ARHGAP25: variants seen among roughly 807,000 people sequenced by gnomAD.
ARHGAP25 encodes the protein rho GTPase-activating protein 25.
A neutral mutation model predicts 71.0 loss-of-function variants in ARHGAP25; 34 were observed. The observed-to-expected ratio is 0.48, with a 90% CI of 0.36 to 0.64. The LOEUF (loss-of-function observed/expected upper bound fraction) is 0.64, where lower values mean the gene tolerates loss of function less well. ARHGAP25 is among the 30% of genes least tolerant of loss of function. The probability of loss-of-function intolerance (pLI) is 0.00; values close to 1 mark genes in which losing one functional copy is unlikely to be tolerated. For missense variants in ARHGAP25, 706 were observed against 805.1 expected (o/e 0.88, Z 1.49); for synonymous variants, 282 against 296.5 (o/e 0.95, Z 0.50).
intron 4 of ARHGAP25, among the ~76,000 whole-genome samples, chr2:68,799,130 C>CAGAAAAGCAAA (rs1392399983): frequency 1.3e-5 from 2 of 152,070 alleles, no homozygotes; most frequent in African/African-American, 4.8e-5. Flanking sequence ...AACAGGTTTG[C>CAGAAAAGCAAA]ACAATGTTTT....
chr2:68,717,552 A>T (rs546025899), intron 2 of ARHGAP25, among the ~76,000 whole-genome samples: 1 of 152,358 alleles, frequency 6.6e-6, no homozygotes, highest in African/African-American at 2.4e-5. Context: ...GGTGTTAGGT[A>T]AAAACTGCAG....
chr2:68,789,736 G>A (rs1261207543), intron 4 of ARHGAP25, among the ~76,000 whole-genome samples: 6 of 152,104 alleles, frequency 3.9e-5, no homozygotes, highest in African/African-American at 1.4e-4. Context: ...AGTCAAAATG[G>A]TATCCGTGTA....
chr2:68,821,677 C>T (rs1681681266), intron 9 of ARHGAP25, among the ~76,000 whole-genome samples: 1 of 152,238 alleles, frequency 6.6e-6, no homozygotes, highest in South Asian at 2.1e-4. Context: ...TGAGAACTGG[C>T]ATTTCAGTAA....
At position 68,754,412 on chromosome 2, in the gene ARHGAP25, A is replaced by G. The variant is rs540120956; in HGVS notation, c.61+19152A>G. On this transcript the variant is annotated intron_variant, in intron 1 of 10. Transcript: ENST00000409202. The stretch of plus-strand genomic sequence containing the variant: ...AATGCATTTGAGATTCACCCATGTT[A>G]TGACTTGTATAGATAGTTTTGTCCT... Among the ~76,000 whole-genome samples, 3 of 152,314 alleles carry G rather than the reference A, an allele frequency of 2.0e-5. No individual in the cohort carries two copies. The East Asian group carries it at 5.8e-4, about 29-fold the overall frequency.
chr2:68,747,488 T>A (rs907986482), intron 1 of ARHGAP25, among the ~76,000 whole-genome samples: 1 of 152,188 alleles, frequency 6.6e-6, no homozygotes, highest in Non-Finnish European at 1.5e-5. Flanking sequence ...CTGGCTCCGG[T>A]CCCAGGGCTC....
chr2:68,747,197 G>C (rs1675886847), intron 1 of ARHGAP25, among the ~76,000 whole-genome samples: 1 of 151,864 alleles, frequency 6.6e-6, no homozygotes, highest in African/African-American at 2.4e-5. Flanking sequence ...AAATTTTTTA[G>C]ACTTCCTTGA....
chr2:68,815,837 G>A (rs1357024867), intron 6 of ARHGAP25, among the ~76,000 whole-genome samples: 2 of 151,874 alleles, frequency 1.3e-5, no homozygotes, highest in Admixed American at 1.3e-4. Context: ...TCTGTGTCCC[G>A]GCATGTCTCA....
chr2:68,809,216 A>C (rs1680598384), intron 5 of ARHGAP25, among the ~76,000 whole-genome samples: 2 of 150,342 alleles, frequency 1.3e-5, no homozygotes, highest in South Asian at 2.1e-4. Context: ...CCCTCTCTCC[A>C]CCCCCTTTTA....
chr2:68,756,518 TCAAAAGCAAC>T (rs1197205649), intron 1 of ARHGAP25, among the ~76,000 whole-genome samples: 1 of 152,100 alleles, frequency 6.6e-6, no homozygotes, highest in Non-Finnish European at 1.5e-5. Flanking sequence ...ACTAAGACAT[TCAAAAGCAAC>T]CACATATATG....
intron 6 of ARHGAP25, among the ~76,000 whole-genome samples, chr2:68,814,295 G>C (rs1465578708): frequency 6.6e-6 from 1 of 152,130 alleles, no homozygotes; most frequent in Non-Finnish European, 1.5e-5. Flanking sequence ...ACTTTCTATG[G>C]TAATGGAACT....
At position 68,760,153 on chromosome 2, in the gene ARHGAP25, A is replaced by G. The variant is rs186404841; in HGVS notation, c.62-15068A>G. 2.1e-3 allele frequency among the ~76,000 whole-genome samples: 318 copies of G among 152,160 alleles called. 1 individual carries two copies. Among genetic ancestry groups the G allele is most frequent in the Non-Finnish European group, 3.6e-3 (243 of 67,906 alleles). ...GATTCAACATTCTTTCATGATAAAA[A>G]CACTCAATAAACCAGGAATAGAAGG... On this transcript the variant is annotated intron_variant, in intron 1 of 10. Transcript: ENST00000409202.
intron 3 of ARHGAP25, among the ~76,000 whole-genome samples, chr2:68,783,363 A>G (rs1678487469): frequency 6.6e-6 from 1 of 152,256 alleles, no homozygotes; most frequent in Admixed American, 6.5e-5. Flanking sequence ...TAATGCAGAA[A>G]AAAAATCCTA....
chr2:68,732,517 G>GC (rs1675048663), upstream of ARHGAP25, among the ~76,000 whole-genome samples: 1 of 152,332 alleles, frequency 6.6e-6, no homozygotes, highest in Non-Finnish European at 1.5e-5. Flanking sequence ...GGTCAGGCAG[G>GC]CAGTAGTGCA....
intron 1 of ARHGAP25, among the ~76,000 whole-genome samples, chr2:68,736,245 A>G (rs1161691201): frequency 6.6e-6 from 1 of 152,178 alleles, no homozygotes; most frequent in Non-Finnish European, 1.5e-5. Flanking sequence ...TAGGTCTGAG[A>G]AAGGGTTTGA....
At chr2:68,741,807 G>A (rs2104292677) in intron 1 of ARHGAP25, among the ~76,000 whole-genome samples, 1 of 152,316 alleles carries the variant, frequency 6.6e-6, no homozygotes, top group Middle Eastern at 3.4e-3. Context: ...AGTTCATAAA[G>A]TAAAACGCAA....
At chr2:68,763,915 T>C (rs1318593180) in intron 1 of ARHGAP25, among the ~76,000 whole-genome samples, 1 of 152,194 alleles carries the variant, frequency 6.6e-6, no homozygotes, top group Non-Finnish European at 1.5e-5. Flanking sequence ...AATTCCTTCA[T>C]TGTAAGTATA....
At chr2:68,734,162 CA>C (rs1416435524), upstream of ARHGAP25, among the ~76,000 whole-genome samples, 3 of 152,346 alleles carry the variant, frequency 2.0e-5, no homozygotes, top group African/African-American at 7.2e-5. Flanking sequence ...GATTCCTCTG[CA>C]AAAACCCTTT....
In ARHGAP25 at chr2:68,826,115, T is replaced by C; in HGVS notation, c.1862T>C (p.Val621Ala). 2 of 1,613,992 alleles carry C rather than the reference T, an allele frequency of 1.2e-6. No homozygotes were observed. ...LRNMERSRED[V>A]EKRNKALEEE... is the part of the protein sequence containing the mutation. The stretch of plus-strand genomic sequence containing the variant: ...AACATGGAGCGCTCCCGGGAGGATG[T>C]TGAGAAGAGGAACAAGGCCTTGGAA... The change falls in exon 11 of 11, where the codon GTT (valine) becomes GCT (alanine). Residue 621 changes from valine to alanine, a missense_variant. Transcript: ENST00000409202.
chr2:68,769,707 G>C (rs1677359216), intron 1 of ARHGAP25, among the ~76,000 whole-genome samples: 1 of 152,126 alleles, frequency 6.6e-6, no homozygotes, highest in Non-Finnish European at 1.5e-5. Context: ...AAGTCTGGCA[G>C]GGCCAGGAAG....
Sources: gnomAD v4.1 joint callset for allele counts (sites outside exome capture counted in the v4.1 genomes callset) on GRCh38, gnomAD v4.1.1 for gene constraint, MANE v1.5 for transcripts, NCBI Gene and HGNC (gene_info 2026-07-23, HGNC 2026-07-21) for gene names.